PLCD3: variants seen among roughly 807,000 people sequenced by gnomAD.
PLCD3 encodes phospholipase C delta 3.
PLCD3 carries 62 observed loss-of-function variants against 82.8 expected under a neutral mutation model. The observed-to-expected ratio is 0.75, with a 90% CI of 0.61 to 0.93. The LOEUF is 0.93. Ranked by LOEUF, PLCD3 falls within the 40% of genes least tolerant of loss-of-function variation. The pLI, the probability that PLCD3 is intolerant of heterozygous loss-of-function variation, is 0.00. For synonymous variants in PLCD3, 478 were observed against 471.8 expected, an observed-to-expected ratio of 1.01 and a Z score of -0.17; for missense variants, 1,023 against 1,103.4, an observed-to-expected ratio of 0.93 and a Z score of 1.03.
At chr17:45,116,314 A>G (rs1227438511) in intron 8 of PLCD3, among the ~76,000 whole-genome samples, 4 of 152,070 alleles carry the variant, frequency 2.6e-5, no homozygotes, top group African/African-American at 9.7e-5. Flanking sequence ...CCAGGTGGAG[A>G]AAGTGTCAAG....
rs113319557 is a variant in PLCD3 at position 45,118,407 on chromosome 17, C to T, written c.999G>A (p.Thr333=). ...GCTGGTTCATGTCCTGGAACACACACGTGTGGGTGTTGTCCAAGGCAGCCC... is the reference window on the plus strand; with the variant it reads ...GCTGGTTCATGTCCTGGAACACACATGTGTGGGTGTTGTCCAAGGCAGCCC... ...PEGAALDNTH[T]CVFQDMNQPL... is the part of the protein sequence containing the mutation. The change falls in exon 6 of 15, where the codon ACG becomes ACA. Residue 333 remains threonine (T), a synonymous_variant. Transcript: ENST00000619929. The surrounding 1 kb of genome is among the most constrained non-coding windows in gnomAD (Gnocchi z 4.1). 16 of 1,613,930 alleles carry T rather than the reference C, an allele frequency of 9.9e-6. No individual in the cohort carries two copies. The Admixed American group carries it at 1.0e-4, about 10-fold the overall frequency.
At chr17:45,120,856 G>C (rs1051758875) in intron 3 of PLCD3, 46 bp downstream of exon 3, 16 of 1,410,778 alleles carry the variant, frequency 1.1e-5, no homozygotes, top group Non-Finnish European at 1.4e-5. Flanking sequence ...TCCAAGGTTA[G>C]GGCTCTCCAA....
In PLCD3 at chr17:45,118,391, T is replaced by C. The variant is rs2054308231; in HGVS notation, c.1015A>G (p.Met339Val). The C allele has an allele frequency of 1.2e-6, 2 of 1,614,044 alleles. No individual in the cohort carries two copies. The highest frequency in any genetic ancestry group is 8.5e-7 in the Non-Finnish European group (1 of 1,179,900). The change falls in exon 6 of 15, where the codon ATG (methionine) becomes GTG (valine). Residue 339 changes from methionine (M) to valine (V), a missense_variant. By Grantham distance (21) the Met-to-Val change is conservative. Around this residue, in one of 3 missense-constraint regions of PLCD3, gnomAD observed 553 missense variants for 655.7 expected, o/e 0.84. Transcript: ENST00000619929. The surrounding 1 kb of genome is among the most constrained non-coding windows in gnomAD (Gnocchi z 4.1). ...DNTHTCVFQD[M>V]NQPLAHYFIS... ...AAGTAGTGGGCAAGGGGCTGGTTCA[T>C]GTCCTGGAACACACACGTGTGGGTG...
At position 45,120,910 on chromosome 17, in the gene PLCD3, C is replaced by T. The variant is rs2054331866; in HGVS notation, c.546G>A (p.Arg182=). The T allele has an allele frequency of 2.1e-6, 3 of 1,437,664 alleles. No homozygotes were observed. Among genetic ancestry groups the T allele is most frequent in the Non-Finnish European group, 2.7e-6 (3 of 1,101,558 alleles). The allele number at this position is 1,437,664 out of a possible 1,614,324, so 89.1% of individuals were successfully genotyped here. ...ARLDAMSQRE[R]LDHWIHSYLH... Reference sequence around the variant, plus strand: ...CAGCCCCGGCAGGATATTGGTCTAGCCGCTCGCGCTGGCTCATGGCGTCCA... The same window carrying T: ...CAGCCCCGGCAGGATATTGGTCTAGTCGCTCGCGCTGGCTCATGGCGTCCA... The change falls in exon 3 of 15, where the codon CGG becomes CGA. Residue 182 remains arginine (R), a synonymous_variant. Coordinates refer to ENST00000619929, the MANE Select transcript of PLCD3 (RefSeq NM_133373.5).
chr17:45,120,603 A>G (rs2054328540), intron 3 of PLCD3, 149 bp from the exon 4 acceptor site: 1 of 1,049,578 alleles, frequency 9.5e-7, no homozygotes, highest in African/African-American at 1.6e-5. Flanking sequence ...CGAGCACGGT[A>G]GCAGTGTCTC....
chr17:45,121,950 G>T (rs2054344286), intron 1 of PLCD3, among the ~76,000 whole-genome samples: 1 of 133,330 alleles, frequency 7.5e-6, no homozygotes. Context: ...GAGTGAGACT[G>T]CGTCTTAACA....
Position 45,114,289 on chromosome 17 carries a change from A to G in PLCD3, c.1789T>C (p.Tyr597His). 6.5e-7 allele frequency: 1 copy of G among 1,548,152 alleles called. No individual in the cohort carries two copies. Among genetic ancestry groups the G allele is most frequent in the Non-Finnish European group, 8.7e-7 (1 of 1,145,718 alleles). ...PLGLRMNSAN[Y>H]SPQEMWNSGC... ...GAGTTCCACATCTCCTGGGGACTGT[A>G]GTTGGCTGAGTTCATCCGCAGCCCC... Residue 597 changes from tyrosine to histidine, a missense_variant, in exon 11 of 15, where the codon TAC becomes CAC. Physicochemically the swap from Tyr to His is moderately conservative, Grantham distance 83. Coordinates refer to ENST00000619929, the MANE Select transcript of PLCD3 (RefSeq NM_133373.5).
At position 45,115,656 on chromosome 17, in the gene PLCD3, G is replaced by GC. The variant is rs58999142; in HGVS notation, c.1414-167dup. ...TTCTAATAGGAAAGAGTGGAGAATG[G>GC]CCCGGGAGGCCATCAGGAAGGGATG... On this transcript the variant is annotated intron_variant, in intron 8 of 14. Transcript: ENST00000619929. The GC allele has an allele frequency of 0.011, 6,997 of 628,758 alleles. 359 individuals carry two copies. The African/African-American group carries it at 0.11, about 10-fold the overall frequency. The allele number at this position is 628,758 out of a possible 1,614,324, so 38.9% of individuals were successfully genotyped here.
chr17:45,112,224 C>T lies in PLCD3; in HGVS notation c.*392G>A, dbSNP rs796115976. 7.8e-5 allele frequency: 18 copies of T among 232,234 alleles called. 2 individuals carry two copies. Among genetic ancestry groups the T allele is most frequent in the African/African-American group, 2.5e-4 (11 of 43,628 alleles). The allele number at this position is 232,234 out of a possible 1,614,324, so 14.4% of individuals were successfully genotyped here. On this transcript the variant is annotated 3_prime_UTR_variant, in exon 15 of 15. Coordinates refer to ENST00000619929, the MANE Select transcript of PLCD3 (RefSeq NM_133373.5). ...CGGGGCCAAGTGGAGTGACTGCGCT[C>T]CTCTGGGGGAAGGAGGCTGGGATGG...
rs1402902803 is a variant in PLCD3, at chr17:45,126,728, TCA to T, written c.164-5358_164-5357del. ...TGGGGTGCAGTGGCACAATAATGGCTCACTGCAGCAGCCTCAAACTCTTGGGC... is the reference window on the plus strand; with the variant it reads ...TGGGGTGCAGTGGCACAATAATGGCTCTGCAGCAGCCTCAAACTCTTGGGC... On this transcript the variant is annotated intron_variant, in intron 1 of 14. Coordinates refer to ENST00000619929, the MANE Select transcript of PLCD3 (RefSeq NM_133373.5). 1.1e-4 allele frequency among the ~76,000 whole-genome samples: 16 copies of T among 152,124 alleles called. No individual in the cohort carries two copies. The East Asian group carries it at 3.1e-3, about 29-fold the overall frequency.
In PLCD3 at chr17:45,120,362, A is replaced by G. The variant is rs2054326479; in HGVS notation, c.647T>C (p.Val216Ala). Residue 216 changes from valine (V) to alanine (A), a missense_variant, in exon 4 of 15, where the codon GTG becomes GCG. Val to Ala is a moderately conservative substitution (Grantham distance 64). Around this residue, in one of 3 missense-constraint regions of PLCD3, gnomAD observed 448 missense variants for 406.3 expected, o/e 1.10. Coordinates refer to ENST00000619929, the MANE Select transcript of PLCD3 (RefSeq NM_133373.5). Reference protein sequence around the residue: ...EIKSLLRMVNVDMNDMYAYLL... With the variant: ...EIKSLLRMVNADMNDMYAYLL... ...GTAGGCGTACATGTCGTTCATGTCC[A>G]CGTTGACCATTCTCAGCAGGCTCTT... is the stretch of plus-strand genomic sequence containing the variant. The G allele has an allele frequency of 2.5e-6, 4 of 1,614,002 alleles. No individual in the cohort carries two copies. In the East Asian group the frequency reaches 6.7e-5, roughly 27 times the overall value.
In PLCD3 at chr17:45,112,422, C is replaced by A. The variant is rs1598025672; in HGVS notation, c.*194G>T. On this transcript the variant is annotated 3_prime_UTR_variant, in exon 15 of 15. Coordinates refer to ENST00000619929, the MANE Select transcript of PLCD3 (RefSeq NM_133373.5). ...GAGCTCACTGAAGTCACATGAACAC[C>A]TTTCTGTTCTTCAGGAGGGGCCCAG... 1.6e-6 allele frequency: 1 copy of A among 633,704 alleles called. No individual in the cohort carries two copies. Among genetic ancestry groups the A allele is most frequent in the East Asian group, 2.8e-5 (1 of 36,096 alleles). The allele number at this position is 633,704 out of a possible 1,614,324, so 39.3% of individuals were successfully genotyped here. A position where few individuals can be genotyped will look rare whatever the true frequency, so the allele number is the denominator to read the frequency against.
intron 1 of PLCD3, among the ~76,000 whole-genome samples, chr17:45,125,203 C>T (rs886951865): frequency 6.6e-6 from 1 of 151,858 alleles, no homozygotes; most frequent in Non-Finnish European, 1.5e-5. Flanking sequence ...TGGCTCACAC[C>T]TGCAATCCCA....
intron 1 of PLCD3, among the ~76,000 whole-genome samples, chr17:45,122,347 A>C (rs2054348223): frequency 6.6e-6 from 1 of 152,234 alleles, no homozygotes; most frequent in Non-Finnish European, 1.5e-5. Context: ...TCTCTAAAAA[A>C]TAAATAAATA....
At chr17:45,120,690 G>A (rs2054329024) in intron 3 of PLCD3, among the ~76,000 whole-genome samples, 1 of 152,204 alleles carries the variant, frequency 6.6e-6, no homozygotes, top group Admixed American at 6.5e-5. Flanking sequence ...CCCTGAAGGA[G>A]GCGCCGCGCC....
In PLCD3 at chr17:45,112,484, G is replaced by T; in HGVS notation, c.*132C>A. 1.0e-6 allele frequency: 1 copy of T among 1,000,120 alleles called. No homozygotes were observed. The highest frequency in any genetic ancestry group is 1.5e-6 in the Non-Finnish European group (1 of 665,078). 62.0% of individuals were successfully genotyped at this position (1,000,120 alleles called of 1,614,324 possible). On this transcript the variant is annotated 3_prime_UTR_variant, in exon 15 of 15. Transcript: ENST00000619929. Reference sequence around the variant, plus strand: ...CACCCAGGTGAGACCAGCGCCTGGTGAATGGGCTGAGTGGGCCAAGTGGGT... The same window carrying T: ...CACCCAGGTGAGACCAGCGCCTGGTTAATGGGCTGAGTGGGCCAAGTGGGT...
intron 1 of PLCD3, among the ~76,000 whole-genome samples, chr17:45,126,045 ATTTT>A (rs71275948): frequency 7.2e-6 from 1 of 138,610 alleles, no homozygotes; most frequent in Non-Finnish European, 1.6e-5. Context: ...ATTTTACCAT[ATTTT>A]TTTTTTTTTT....
At chr17:45,122,992 G>A (rs532591161) in intron 1 of PLCD3, among the ~76,000 whole-genome samples, 1 of 152,002 alleles carries the variant, frequency 6.6e-6, no homozygotes, top group Non-Finnish European at 1.5e-5. Flanking sequence ...TGTTGACAAC[G>A]AAATCAAATT....
chr17:45,122,883 A>G (rs2054352397), intron 1 of PLCD3, among the ~76,000 whole-genome samples: 1 of 152,212 alleles, frequency 6.6e-6, no homozygotes, highest in Non-Finnish European at 1.5e-5. Context: ...CGGAGAGTCC[A>G]TGGCCTTTGG....
Sources: allele counts gnomAD v4.1 joint callset (sites outside exome capture counted in the v4.1 genomes callset), GRCh38; gene constraint gnomAD v4.1.1; regional missense constraint gnomAD v4.1.1; non-coding constraint Gnocchi (gnomAD v3.1); transcripts MANE v1.5; gene names NCBI Gene and HGNC (gene_info 2026-07-23, HGNC 2026-07-21).